HS6ST1: variants seen among roughly 807,000 people sequenced by gnomAD.
HS6ST1 encodes the protein heparan-sulfate 6-O-sulfotransferase 1.
HS6ST1 carries 3 observed loss-of-function variants against 25.2 expected under a neutral mutation model. The observed-to-expected ratio is 0.12, with a 90% CI of 0.05 to 0.31. The LOEUF (loss-of-function observed/expected upper bound fraction) is 0.31. Among genes scored for constraint, HS6ST1 ranks in the 10% least tolerant of loss-of-function variants. The probability of loss-of-function intolerance (pLI) is 1.00; values close to 1 mark genes in which losing one functional copy is unlikely to be tolerated. For missense variants in HS6ST1, 310 were observed against 609.6 expected (o/e 0.51, Z 5.18); for synonymous variants, 204 against 275.1 (o/e 0.74, Z 2.56).
intron 1 of HS6ST1, among the ~76,000 whole-genome samples, chr2:128,270,378 C>T (rs993333808): frequency 3.9e-5 from 6 of 152,200 alleles, no homozygotes; most frequent in African/African-American, 1.2e-4. Context: ...TCCAGGCTCC[C>T]ACTTCACACG....
At chr2:128,276,279 A>G (rs72967036) in intron 1 of HS6ST1, among the ~76,000 whole-genome samples, 2,327 of 152,180 alleles carry the variant, frequency 0.015, 62 homozygotes, top group African/African-American at 0.051. Flanking sequence ...TCGTGGTGGC[A>G]TGCACCACCA....
At chr2:128,304,558 C>A (rs1362883635) in intron 1 of HS6ST1, among the ~76,000 whole-genome samples, 1 of 44,408 alleles carries the variant, frequency 2.3e-5, no homozygotes, top group Non-Finnish European at 4.0e-5. Context: ...GCACAGGACT[C>A]CAGAAAGGTC....
At chr2:128,316,890 C>T (rs1287904718) in intron 1 of HS6ST1, among the ~76,000 whole-genome samples, 1 of 152,168 alleles carries the variant, frequency 6.6e-6, no homozygotes, top group African/African-American at 2.4e-5. Context: ...TCCAGGCTCC[C>T]CAGGCACACC....
chr2:128,279,178 T>C (rs576354130), intron 1 of HS6ST1, among the ~76,000 whole-genome samples: 2 of 151,628 alleles, frequency 1.3e-5, no homozygotes, highest in South Asian at 4.2e-4. Context: ...CTGATGGGGG[T>C]GCGGGGGTGG....
At chr2:128,288,700 A>ACGATAATGTACC (rs1693904977) in intron 1 of HS6ST1, among the ~76,000 whole-genome samples, 1 of 46,388 alleles carries the variant, frequency 2.2e-5, no homozygotes, top group African/African-American at 1.6e-4. Context: ...AACAAACAAA[A>ACGATAATGTACC]CAATCTAATC....
chr2:128,316,708 G>T (rs1297865282), intron 1 of HS6ST1, among the ~76,000 whole-genome samples: 7 of 150,960 alleles, frequency 4.6e-5, no homozygotes, highest in South Asian at 2.1e-4. Context: ...TGTGTGTGTG[G>T]GTGTGTGTGT....
At chr2:128,284,298 G>T (rs1693828451) in intron 1 of HS6ST1, among the ~76,000 whole-genome samples, 1 of 152,114 alleles carries the variant, frequency 6.6e-6, no homozygotes, top group East Asian at 1.9e-4. Context: ...TCATCCACAG[G>T]CGGCCCCCCA....
intron 1 of HS6ST1, among the ~76,000 whole-genome samples, chr2:128,285,560 A>T (rs979628632): frequency 2.0e-5 from 3 of 151,774 alleles, no homozygotes; most frequent in Admixed American, 6.6e-5. Context: ...CTGTGCAGGG[A>T]AGGTTCTAGG....
intron 1 of HS6ST1, among the ~76,000 whole-genome samples, chr2:128,282,769 T>G (rs773518608): frequency 1.3e-5 from 2 of 152,188 alleles, no homozygotes; most frequent in African/African-American, 2.4e-5. Context: ...CAGGATCTCC[T>G]ACCTGGAGGG....
At chr2:128,287,251 G>T (rs930423739) in intron 1 of HS6ST1, among the ~76,000 whole-genome samples, 7 of 152,198 alleles carry the variant, frequency 4.6e-5, no homozygotes, top group African/African-American at 1.7e-4. Context: ...CAGTCCCCCT[G>T]CAAGAGCACC....
rs1300696980 is a variant in HS6ST1 at position 128,297,936 on chromosome 2, CAT to C, written c.527+20099_527+20100del. On this transcript the variant is annotated intron_variant, in intron 1 of 1. Coordinates refer to ENST00000259241, the MANE Select transcript of HS6ST1 (RefSeq NM_004807.3). ...AGAATGGAAGAAAATATTTGTAAATCATATATCTGATAAGAGATTAATATCCA... is the reference window on the plus strand; with the variant it reads ...AGAATGGAAGAAAATATTTGTAAATCATATCTGATAAGAGATTAATATCCA... 3.3e-5 allele frequency among the ~76,000 whole-genome samples: 5 copies of C among 152,256 alleles called. No individual in the cohort carries two copies. In the East Asian group the frequency reaches 9.6e-4, roughly 29 times the overall value.
chr2:128,318,371 C>G lies in HS6ST1; in HGVS notation c.193G>C (p.Glu65Gln). 1 of 1,611,500 alleles carries G rather than the reference C, an allele frequency of 6.2e-7. No homozygotes were observed. ...DLFPTPDPHY[E>Q]KKYYFPVREL... ...CGGACCGGGAAGTAGTACTTCTTCTCGTAGTGGGGGTCGGGTGTGGGGAAC... is the reference window on the plus strand; with the variant it reads ...CGGACCGGGAAGTAGTACTTCTTCTGGTAGTGGGGGTCGGGTGTGGGGAAC... The change falls in exon 1 of 2, where the codon GAG (glutamate) becomes CAG (glutamine). Residue 65 changes from glutamate (E) to glutamine (Q), a missense_variant. Coordinates refer to ENST00000259241, the MANE Select transcript of HS6ST1 (RefSeq NM_004807.3). The surrounding 1 kb of genome is among the most constrained non-coding windows in gnomAD (Gnocchi z 5.7).
intron 1 of HS6ST1, among the ~76,000 whole-genome samples, chr2:128,299,344 G>A (rs1479817134): frequency 6.6e-6 from 1 of 152,232 alleles, no homozygotes; most frequent in Non-Finnish European, 1.5e-5. Context: ...CGAGCCCTCT[G>A]CCCTGGCCGG....
chr2:128,298,594 G>A (rs538939138), intron 1 of HS6ST1, among the ~76,000 whole-genome samples: 2 of 152,258 alleles, frequency 1.3e-5, no homozygotes, highest in South Asian at 2.1e-4. Flanking sequence ...ACTTAAATCC[G>A]CTATCTAGAG....
At chr2:128,278,863 C>G (rs545176668) in intron 1 of HS6ST1, among the ~76,000 whole-genome samples, 1 of 152,312 alleles carries the variant, frequency 6.6e-6, no homozygotes, top group African/African-American at 2.4e-5. Context: ...AATGTTTGAA[C>G]TGACAGGAGT....
intron 1 of HS6ST1, among the ~76,000 whole-genome samples, chr2:128,292,025 CAGG>C (rs1389182644): frequency 6.6e-6 from 1 of 152,182 alleles, no homozygotes; most frequent in Non-Finnish European, 1.5e-5. Flanking sequence ...GGGTCCGGCT[CAGG>C]AGAAGGCCCC....
chr2:128,310,789 TG>T (rs1403001607), intron 1 of HS6ST1, among the ~76,000 whole-genome samples: 2 of 152,170 alleles, frequency 1.3e-5, no homozygotes, highest in Non-Finnish European at 2.9e-5. Context: ...GCTGGGGACT[TG>T]GGACAATGCC....
At chr2:128,291,204 CCTT>C (rs66708634) in intron 1 of HS6ST1, among the ~76,000 whole-genome samples, 12,356 of 152,314 alleles carry the variant, frequency 0.081, 686 homozygotes, top group South Asian at 0.13. Flanking sequence ...CCTTGCCTGT[CCTT>C]CTTGTCTTTA....
Position 128,317,509 on chromosome 2 carries a change from A to AGGCG in HS6ST1, c.527+524_527+527dup, listed in dbSNP as rs532062905. 1.0e-3 allele frequency among the ~76,000 whole-genome samples: 157 copies of AGGCG among 152,350 alleles called. 1 individual carries two copies. In the East Asian group the frequency reaches 0.027, roughly 26 times the overall value. ...GTTCTACCTGCACACACCGGCAGGC[A>AGGCG]GGCGGGCAGAGCCAGCCCCCTTCCC... On this transcript the variant is annotated intron_variant, in intron 1 of 1. Transcript: ENST00000259241.
Sources: allele counts gnomAD v4.1 joint callset (sites outside exome capture counted in the v4.1 genomes callset), GRCh38; gene constraint gnomAD v4.1.1; non-coding constraint Gnocchi (gnomAD v3.1); transcripts MANE v1.5; gene names NCBI Gene and HGNC (gene_info 2026-07-23, HGNC 2026-07-21).